The following RABGAP1L variants were observed in gnomAD, a reference collection of about 807,000 sequenced individuals.
RABGAP1L encodes RAB GTPase activating protein 1 like.
RABGAP1L carries 63 observed loss-of-function variants against 137.7 expected under a neutral mutation model. That is an observed-to-expected ratio of 0.46 (90% CI 0.37 to 0.56). RABGAP1L has a LOEUF of 0.56. RABGAP1L is among the 20% of genes least tolerant of loss of function. The pLI is 0.00. For synonymous variants in RABGAP1L, 431 were observed against 433.7 expected, an observed-to-expected ratio of 0.99 and a Z score of 0.08; for missense variants, 1,095 against 1,244.0, an observed-to-expected ratio of 0.88 and a Z score of 1.80.
intron 18 of RABGAP1L, among the ~76,000 whole-genome samples, chr1:174,777,983 G>A (rs1686664558): frequency 6.6e-6 from 1 of 152,168 alleles, no homozygotes; most frequent in South Asian, 2.1e-4. Flanking sequence ...AAAAGCACTT[G>A]AAGAAATAAT....
At chr1:174,945,270 A>G (rs1435001865) in intron 19 of RABGAP1L, among the ~76,000 whole-genome samples, 1 of 152,214 alleles carries the variant, frequency 6.6e-6, no homozygotes, top group Non-Finnish European at 1.5e-5. Context: ...CTCAATTTTT[A>G]GTGCTTGGTA....
rs1675026360 is a variant in RABGAP1L, at chr1:174,647,067, G to C, written c.1824+9579G>C. Among the ~76,000 whole-genome samples, 2 of 152,268 alleles carry C rather than the reference G, an allele frequency of 1.3e-5. 1 individual carries two copies. The highest frequency in any genetic ancestry group is 4.8e-5 in the African/African-American group (2 of 41,516). ...TTTGCACATTGATTTTGTATCCTGAGACTTTGCTGAAGGTGCTTAGCAGCT... is the reference window on the plus strand; with the variant it reads ...TTTGCACATTGATTTTGTATCCTGACACTTTGCTGAAGGTGCTTAGCAGCT... On this transcript the variant is annotated intron_variant, in intron 14 of 25. Transcript: ENST00000681986.
chr1:174,369,026 C>T (rs556644576), intron 11 of RABGAP1L, among the ~76,000 whole-genome samples: 1 of 152,210 alleles, frequency 6.6e-6, no homozygotes, highest in East Asian at 1.9e-4. Context: ...AACCTTGGCA[C>T]ATTATTAGTT....
intron 11 of RABGAP1L, among the ~76,000 whole-genome samples, chr1:174,327,826 AAAAG>A (rs1327031226): frequency 6.6e-6 from 1 of 151,502 alleles, no homozygotes; most frequent in Non-Finnish European, 1.5e-5. Flanking sequence ...AATATAAACT[AAAAG>A]AAAGCAGAAA....
chr1:174,449,050 C>G (rs1308866354), intron 13 of RABGAP1L: 1 of 1,613,856 alleles, frequency 6.2e-7, no homozygotes, highest in Non-Finnish European at 8.5e-7. Context: ...GTTTTTGTAA[C>G]TGTGTAATAT....
intron 14 of RABGAP1L, among the ~76,000 whole-genome samples, chr1:174,682,459 TA>T (rs71743862): frequency 0.38 from 53,129 of 140,336 alleles, 12,232 homozygotes; most frequent in African/African-American, 0.68. Flanking sequence ...AAAAGTTGTT[TA>T]AAAAAAAAAA....
At chr1:174,650,911 T>G (rs1314117127) in intron 14 of RABGAP1L, among the ~76,000 whole-genome samples, 1 of 143,672 alleles carries the variant, frequency 7.0e-6, no homozygotes, top group African/African-American at 2.7e-5. Flanking sequence ...TTTCTAGTTC[T>G]TTTAATTGTG....
intron 14 of RABGAP1L, among the ~76,000 whole-genome samples, chr1:174,658,172 G>T (rs960505228): frequency 4.6e-5 from 7 of 152,112 alleles, no homozygotes; most frequent in Non-Finnish European, 8.8e-5. Context: ...TATTTTTCTG[G>T]AATAATTACC....
intron 19 of RABGAP1L, among the ~76,000 whole-genome samples, chr1:174,896,596 C>T (rs1657221774): frequency 6.6e-6 from 1 of 152,012 alleles, no homozygotes; most frequent in African/African-American, 2.4e-5. Context: ...GTCTTTAATC[C>T]ATCTTGAATT....
intron 1 of RABGAP1L, among the ~76,000 whole-genome samples, chr1:174,195,861 A>G (rs1203424031): frequency 2.3e-4 from 25 of 109,054 alleles, no homozygotes; most frequent in African/African-American, 8.5e-4. Flanking sequence ...TTTGAGACAG[A>G]GTCTTGCTCT....
Position 174,923,317 on chromosome 1 carries a change from C to T in RABGAP1L, c.2341-34140C>T, listed in dbSNP as rs369095955. Among the ~76,000 whole-genome samples, 391 of 152,216 alleles carry T rather than the reference C, an allele frequency of 2.6e-3. 26 individuals are homozygous for T. In the South Asian group the frequency reaches 0.08, roughly 31 times the overall value. On this transcript the variant is annotated intron_variant, in intron 19 of 25. Coordinates refer to ENST00000681986, the MANE Select transcript of RABGAP1L (RefSeq NM_001366446.1). ...TCCAGATATTGGAGAAAACTGAAAT[C>T]GACCTTAAGACTGATTTGTGTAAAG...
chr1:174,168,520 C>T (rs1477005882), intron 1 of RABGAP1L, among the ~76,000 whole-genome samples: 1 of 151,558 alleles, frequency 6.6e-6, no homozygotes, highest in Non-Finnish European at 1.5e-5. Flanking sequence ...TCATATTTGC[C>T]CTGAAGTCAG....
chr1:174,289,800 C>T (rs1200948156), intron 10 of RABGAP1L, among the ~76,000 whole-genome samples: 3 of 152,172 alleles, frequency 2.0e-5, no homozygotes, highest in Admixed American at 2.0e-4. Flanking sequence ...TATCTGAGGT[C>T]AAGTGGGACT....
chr1:174,762,678 A>G (rs1399730438), intron 18 of RABGAP1L, among the ~76,000 whole-genome samples: 1 of 152,108 alleles, frequency 6.6e-6, no homozygotes, highest in Non-Finnish European at 1.5e-5. Context: ...AGGCACTTAA[A>G]TATTTATTGA....
At chr1:174,372,640 G>A (rs1368545268) in intron 12 of RABGAP1L, among the ~76,000 whole-genome samples, 1 of 152,072 alleles carries the variant, frequency 6.6e-6, no homozygotes, top group Non-Finnish European at 1.5e-5. Context: ...AACAGAAGTT[G>A]TAACCATATG....
At chr1:174,386,430 C>T (rs1358193796) in intron 12 of RABGAP1L, among the ~76,000 whole-genome samples, 1 of 151,952 alleles carries the variant, frequency 6.6e-6, no homozygotes, top group Non-Finnish European at 1.5e-5. Flanking sequence ...AATGACAGAG[C>T]CAGTTTCTGA....
At chr1:174,375,987 G>A (rs1168265396) in intron 12 of RABGAP1L, among the ~76,000 whole-genome samples, 3 of 152,030 alleles carry the variant, frequency 2.0e-5, no homozygotes, top group Admixed American at 2.0e-4. Flanking sequence ...AGAATTGCCT[G>A]AGCCTAGGAG....
At chr1:174,570,277 T>C (rs546302879) in intron 13 of RABGAP1L, among the ~76,000 whole-genome samples, 2 of 152,302 alleles carry the variant, frequency 1.3e-5, no homozygotes, top group South Asian at 4.1e-4. Context: ...ATAACGGTGA[T>C]GCAGGGTGGT....
chr1:174,982,830 T>C lies in RABGAP1L; in HGVS notation c.2734-4T>C. The C allele has an allele frequency of 6.5e-7, 1 of 1,550,332 alleles. No homozygotes were observed. Among genetic ancestry groups the C allele is most frequent in the Non-Finnish European group, 8.7e-7 (1 of 1,146,798 alleles). On this transcript the variant is annotated splice_region_variant and splice_polypyrimidine_tract_variant and intron_variant, in intron 23 of 25. Transcript: ENST00000681986. ...CTAGTAAAAGACTCTTTTCTCATCCTTAGATCTGTTCGCAGTTGAGTACCA... is the reference window on the plus strand; with the variant it reads ...CTAGTAAAAGACTCTTTTCTCATCCCTAGATCTGTTCGCAGTTGAGTACCA...
Sources: allele counts gnomAD v4.1 joint callset (sites outside exome capture counted in the v4.1 genomes callset), GRCh38; gene constraint gnomAD v4.1.1; transcripts MANE v1.5; gene names NCBI Gene and HGNC (gene_info 2026-07-23, HGNC 2026-07-21).